Variants in LRRC4C observed in about 807,000 individuals in gnomAD.
LRRC4C encodes leucine-rich repeat-containing protein 4C.
In LRRC4C, 5 loss-of-function variants were observed where a neutral mutation model predicts 33.6. The observed-to-expected ratio is 0.15, with a 90% CI of 0.08 to 0.31. The LOEUF (loss-of-function observed/expected upper bound fraction) is 0.31. LRRC4C is among the 10% of genes least tolerant of loss of function. LRRC4C has a pLI of 1.00. For synonymous variants in LRRC4C, 329 were observed against 302.0 expected (o/e 1.09, Z -0.93); for missense variants, 560 against 796.7 (o/e 0.70, Z 3.58).
chr11:40,440,517 A>C (rs935409118), intron 3 of LRRC4C, among the ~76,000 whole-genome samples: 1 of 151,922 alleles, frequency 6.6e-6, no homozygotes, highest in African/African-American at 2.4e-5. Context: ...AATCCCTCCT[A>C]CTTATGAAAT....
chr11:40,402,286 T>C (rs982036468), intron 3 of LRRC4C, among the ~76,000 whole-genome samples: 5 of 152,136 alleles, frequency 3.3e-5, no homozygotes, highest in African/African-American at 7.2e-5. Flanking sequence ...GCTTGAAAAG[T>C]ATTTATTCCA....
intron 1 of LRRC4C, among the ~76,000 whole-genome samples, chr11:41,134,687 C>A (rs1943177430): frequency 6.6e-6 from 1 of 152,070 alleles, no homozygotes; most frequent in Admixed American, 6.6e-5. Context: ...TTATAAAAGA[C>A]CAGCCATTGG....
chr11:40,820,542 A>G (rs937365168), intron 2 of LRRC4C, among the ~76,000 whole-genome samples: 69 of 152,064 alleles, frequency 4.5e-4, no homozygotes, highest in African/African-American at 1.6e-3. Flanking sequence ...AGGTTATTTC[A>G]ATCTTTGAAA....
chr11:40,984,893 C>CA (rs1852879582), intron 1 of LRRC4C, among the ~76,000 whole-genome samples: 1 of 52,246 alleles, frequency 1.9e-5, no homozygotes, highest in Admixed American at 3.1e-4. Context: ...CTCACTGACA[C>CA]TTTTTTTTTT....
chr11:41,048,515 G>T (rs955802736), intron 1 of LRRC4C, among the ~76,000 whole-genome samples: 2 of 151,806 alleles, frequency 1.3e-5, no homozygotes, highest in African/African-American at 2.4e-5. Context: ...CACCCTCCTC[G>T]GTCTCCCAAA....
At chr11:41,383,112 A>T (rs1953219819) in intron 1 of LRRC4C, among the ~76,000 whole-genome samples, 1 of 152,060 alleles carries the variant, frequency 6.6e-6, no homozygotes, top group South Asian at 2.1e-4. Flanking sequence ...AGCCTCTATA[A>T]GCTGGCCGAA....
intron 1 of LRRC4C, among the ~76,000 whole-genome samples, chr11:40,959,036 T>C (rs1407154217): frequency 6.6e-6 from 1 of 151,664 alleles, no homozygotes; most frequent in Non-Finnish European, 1.5e-5. Context: ...CCAGGAGCAG[T>C]GGTTCTTGGT....
At chr11:41,094,641 C>T (rs1940689204) in intron 1 of LRRC4C, among the ~76,000 whole-genome samples, 1 of 152,152 alleles carries the variant, frequency 6.6e-6, no homozygotes, top group African/African-American at 2.4e-5. Context: ...TCATAATACT[C>T]ACTGTTCTTA....
chr11:40,746,783 G>A (rs1948450046), intron 2 of LRRC4C, among the ~76,000 whole-genome samples: 2 of 152,096 alleles, frequency 1.3e-5, no homozygotes, highest in Admixed American at 1.3e-4. Flanking sequence ...CCTAAGATTG[G>A]GCCTGCCTAC....
At chr11:40,197,831 A>T (rs1283167809) in intron 5 of LRRC4C, among the ~76,000 whole-genome samples, 5 of 152,188 alleles carry the variant, frequency 3.3e-5, no homozygotes, top group Non-Finnish European at 7.3e-5. Context: ...AGGATCTAGC[A>T]CAGTACTTCA....
intron 2 of LRRC4C, among the ~76,000 whole-genome samples, chr11:40,824,499 A>T (rs1328467649): frequency 1.3e-5 from 2 of 151,898 alleles, no homozygotes; most frequent in Non-Finnish European, 2.9e-5. Flanking sequence ...CCATCATCCC[A>T]AATCTCTGGA....
Position 40,114,946 on chromosome 11 carries a change from A to T in LRRC4C, c.1347T>A (p.Thr449=), listed in dbSNP as rs776756183. Residue 449 remains threonine (T), a synonymous_variant, in exon 7 of 7, where the codon ACT becomes ACA. Transcript: ENST00000528697. ...TGACGGTTGAAAAGTAAGAGAAAGG[A>T]GTAGTGGTTGCTGCAGTAACATTCA... ...ATLNVTAATT[T]PFSYFSTVTV... The T allele has an allele frequency of 1.9e-6, 3 of 1,614,152 alleles. No individual in the cohort carries two copies. Among genetic ancestry groups the T allele is most frequent in the Non-Finnish European group, 2.5e-6 (3 of 1,180,028 alleles).
intron 5 of LRRC4C, among the ~76,000 whole-genome samples, chr11:40,144,936 T>C (rs757775132): frequency 6.6e-6 from 1 of 152,216 alleles, no homozygotes; most frequent in African/African-American, 2.4e-5. Flanking sequence ...TGCACTTCTA[T>C]GTCCAATGTG....
intron 1 of LRRC4C, among the ~76,000 whole-genome samples, chr11:41,416,653 G>C (rs1954693029): frequency 1.3e-5 from 2 of 151,658 alleles, no homozygotes; most frequent in African/African-American, 4.9e-5. Context: ...TTTCAAGTCA[G>C]GGCAGCTGGC....
intron 3 of LRRC4C, among the ~76,000 whole-genome samples, chr11:40,528,190 C>G (rs1956133373): frequency 6.6e-6 from 1 of 151,988 alleles, no homozygotes; most frequent in African/African-American, 2.4e-5. Context: ...GGAACTCTAT[C>G]AAACTAAAAA....
intron 3 of LRRC4C, among the ~76,000 whole-genome samples, chr11:40,589,227 T>G (rs1174744435): frequency 6.6e-6 from 1 of 150,506 alleles, no homozygotes; most frequent in African/African-American, 2.4e-5. Flanking sequence ...TTTACCATTA[T>G]GTAATGGTCT....
At chr11:40,789,216 A>T (rs1261776098) in intron 2 of LRRC4C, among the ~76,000 whole-genome samples, 1 of 151,924 alleles carries the variant, frequency 6.6e-6, no homozygotes, top group Non-Finnish European at 1.5e-5. Context: ...TTGAAAAATT[A>T]TGGCTATAAA....
intron 1 of LRRC4C, among the ~76,000 whole-genome samples, chr11:41,141,166 G>A (rs1237222573): frequency 6.6e-6 from 1 of 152,026 alleles, no homozygotes; most frequent in East Asian, 1.9e-4. Context: ...TGATTGAGAT[G>A]GCACAGTCAG....
intron 3 of LRRC4C, among the ~76,000 whole-genome samples, chr11:40,580,487 G>C (rs1366777465): frequency 6.6e-6 from 1 of 152,046 alleles, no homozygotes; most frequent in Non-Finnish European, 1.5e-5. Context: ...ATTTGGGTGG[G>C]GATGCAGAGT....
Sources: gnomAD v4.1 joint callset for allele counts (sites outside exome capture counted in the v4.1 genomes callset) on GRCh38, gnomAD v4.1.1 for gene constraint, MANE v1.5 for transcripts, NCBI Gene and HGNC (gene_info 2026-07-23, HGNC 2026-07-21) for gene names.